The following DRC11 variants were observed in gnomAD, a reference collection of about 807,000 sequenced individuals.
DRC11 encodes the protein IQ and AAA domain-containing protein 1.
the DRC11 span, among the ~76,000 whole-genome samples, chr2:236,393,998 T>A: frequency 5.7e-3 from 873 of 152,216 alleles, 11 homozygotes; most frequent in African/African-American, 0.02. The surrounding 1 kb of genome is among the most constrained non-coding windows in gnomAD (Gnocchi z 4.7). Flanking sequence ...TATAAAGTTG[T>A]ATGAATAAAT....
At chr2:236,333,516 A>C in the DRC11 span, among the ~76,000 whole-genome samples, 3 of 152,194 alleles carry the variant, frequency 2.0e-5, no homozygotes, top group Non-Finnish European at 4.4e-5. This position sits in a 1 kb window ranked among gnomAD's most constrained non-coding sequence, Gnocchi z 6.0. Context: ...GAAGCTGAGA[A>C]GGGAACATGA....
At chr2:236,345,109 G>GCA in the DRC11 span, among the ~76,000 whole-genome samples, 33 of 72,854 alleles carry the variant, frequency 4.5e-4, no homozygotes, top group Admixed American at 7.8e-4. Flanking sequence ...TTGTAAACGT[G>GCA]CTTCCCTCTG....
At chr2:236,482,005 A>T in the DRC11 span, among the ~76,000 whole-genome samples, 1 of 148,898 alleles carries the variant, frequency 6.7e-6, no homozygotes, top group Non-Finnish European at 1.5e-5. The surrounding 1 kb of genome is among the most constrained non-coding windows in gnomAD (Gnocchi z 4.5). Flanking sequence ...GTATAATTCT[A>T]GGTATAATTC....
At chr2:236,499,983 C>A in the DRC11 span, among the ~76,000 whole-genome samples, 3 of 152,174 alleles carry the variant, frequency 2.0e-5, no homozygotes, top group Non-Finnish European at 4.4e-5. This position sits in a 1 kb window ranked among gnomAD's most constrained non-coding sequence, Gnocchi z 4.7. Flanking sequence ...TCCCTACAAA[C>A]TAAGCATCAT....
chr2:236,354,851 G>A, the DRC11 span, among the ~76,000 whole-genome samples: 21 of 152,310 alleles, frequency 1.4e-4, no homozygotes, highest in South Asian at 2.7e-3. Flanking sequence ...CTGGACAGGT[G>A]GAGTGGGACA....
At chr2:236,321,859 A>T in the DRC11 span, among the ~76,000 whole-genome samples, 1 of 152,180 alleles carries the variant, frequency 6.6e-6, no homozygotes, top group Non-Finnish European at 1.5e-5. Context: ...GTGGGGGGGA[A>T]GTCTCTTGGG....
chr2:236,317,184 T>C, the DRC11 span, among the ~76,000 whole-genome samples: 17 of 151,980 alleles, frequency 1.1e-4, no homozygotes, highest in East Asian at 1.5e-3. This position sits in a 1 kb window ranked among gnomAD's most constrained non-coding sequence, Gnocchi z 5.4. Flanking sequence ...TAGTCCCGGC[T>C]ACTCAGGAGG....
chr2:236,340,741 A>C, the DRC11 span, among the ~76,000 whole-genome samples: 4 of 152,116 alleles, frequency 2.6e-5, no homozygotes, highest in Non-Finnish European at 5.9e-5. Flanking sequence ...GAGGCAGGAG[A>C]TGACACTGTT....
chr2:236,503,529 C>T, the DRC11 span: 1 of 1,130,662 alleles, frequency 8.8e-7, no homozygotes, highest in Non-Finnish European at 1.3e-6. The surrounding 1 kb of genome is among the most constrained non-coding windows in gnomAD (Gnocchi z 4.9). Context: ...TCCCCAACTG[C>T]AGTCTGTCTG....
chr2:236,350,543 C>T, the DRC11 span, among the ~76,000 whole-genome samples: 1 of 152,220 alleles, frequency 6.6e-6, no homozygotes, highest in South Asian at 2.1e-4. This position sits in a 1 kb window ranked among gnomAD's most constrained non-coding sequence, Gnocchi z 5.2. Flanking sequence ...GCACAGCCAG[C>T]GGCTCTCCCC....
chr2:236,389,958 C>G, the DRC11 span, among the ~76,000 whole-genome samples: 1 of 152,110 alleles, frequency 6.6e-6, no homozygotes, highest in African/African-American at 2.4e-5. Context: ...AATGTGTATT[C>G]TGGTGCTGTT....
chr2:236,353,055 T>TA, the DRC11 span, among the ~76,000 whole-genome samples: 1 of 152,216 alleles, frequency 6.6e-6, no homozygotes, highest in African/African-American at 2.4e-5. This position sits in a 1 kb window ranked among gnomAD's most constrained non-coding sequence, Gnocchi z 5.0. Context: ...GTATTAATAG[T>TA]AAAAAACTCT....
the DRC11 span, chr2:236,407,973 C>T: frequency 7.4e-6 from 4 of 538,634 alleles, no homozygotes; most frequent in Non-Finnish European, 1.1e-5. Context: ...TGTCAATGAA[C>T]TTAAGGTCAG....
the DRC11 span, among the ~76,000 whole-genome samples, chr2:236,487,100 T>C: frequency 6.6e-6 from 1 of 152,210 alleles, no homozygotes; most frequent in African/African-American, 2.4e-5. Context: ...ACCACAGAAC[T>C]AACCTATAAT....
chr2:236,317,149 A>C, the DRC11 span, among the ~76,000 whole-genome samples: 1 of 152,150 alleles, frequency 6.6e-6, no homozygotes, highest in Admixed American at 6.5e-5. This position sits in a 1 kb window ranked among gnomAD's most constrained non-coding sequence, Gnocchi z 5.4. Context: ...ACAAAAAATT[A>C]GCCGGGCATG....
the DRC11 span, among the ~76,000 whole-genome samples, chr2:236,459,535 G>GTATA: frequency 2.8e-5 from 3 of 106,286 alleles, no homozygotes; most frequent in African/African-American, 7.3e-5. Flanking sequence ...ACATGTATAC[G>GTATA]TATACGTATA....
At chr2:236,465,083 G>A in the DRC11 span, among the ~76,000 whole-genome samples, 1 of 152,118 alleles carries the variant, frequency 6.6e-6, no homozygotes, top group African/African-American at 2.4e-5. This position sits in a 1 kb window ranked among gnomAD's most constrained non-coding sequence, Gnocchi z 6.2. Context: ...AAGGAGACCT[G>A]GTGGCCAGGT....
chr2:236,479,383 A>G, the DRC11 span, among the ~76,000 whole-genome samples: 2 of 152,104 alleles, frequency 1.3e-5, no homozygotes, highest in Non-Finnish European at 2.9e-5. The surrounding 1 kb of genome is among the most constrained non-coding windows in gnomAD (Gnocchi z 4.1). Flanking sequence ...ACTGCCATTT[A>G]CATTTTTTTT....
chr2:236,438,592 ATTTG>A, the DRC11 span, among the ~76,000 whole-genome samples: 1 of 152,172 alleles, frequency 6.6e-6, no homozygotes, highest in Non-Finnish European at 1.5e-5. Context: ...ATGTTCTTCC[ATTTG>A]TTTGTATCCT....
Sources: allele counts gnomAD v4.1 joint callset (sites outside exome capture counted in the v4.1 genomes callset), GRCh38; gene constraint gnomAD v4.1.1; non-coding constraint Gnocchi (gnomAD v3.1); transcripts MANE v1.5; gene names NCBI Gene and HGNC (gene_info 2026-07-23, HGNC 2026-07-21).